Variants in CGNL1 observed in about 807,000 individuals in gnomAD.
CGNL1 encodes cingulin like 1.
In CGNL1, 132 loss-of-function variants were observed where a neutral mutation model predicts 141.2. The observed-to-expected ratio is 0.93, with a 90% CI of 0.81 to 1.08. The LOEUF (loss-of-function observed/expected upper bound fraction) is 1.08. CGNL1 is among the 50% of genes least tolerant of loss of function. The pLI is 0.00. For synonymous variants in CGNL1, 690 were observed against 622.1 expected, an observed-to-expected ratio of 1.11 and a Z score of -1.63; for missense variants, 1,870 against 1,588.6, an observed-to-expected ratio of 1.18 and a Z score of -3.01.
At chr15:57,537,927 G>T (rs2032349740) in intron 14 of CGNL1, among the ~76,000 whole-genome samples, 1 of 152,248 alleles carries the variant, frequency 6.6e-6, no homozygotes, top group Non-Finnish European at 1.5e-5. Flanking sequence ...CTTATATAAA[G>T]AAATACTTTC....
rs766830806 is a variant in CGNL1 at position 57,546,103 on chromosome 15, C to A, written c.3637C>A (p.Arg1213=). The A allele has an allele frequency of 1.2e-6, 2 of 1,613,450 alleles. No individual in the cohort carries two copies. Among genetic ancestry groups the A allele is most frequent in the Non-Finnish European group, 8.5e-7 (1 of 1,179,764 alleles). The change falls in exon 18 of 19, where the codon CGG becomes AGG. Residue 1213 remains arginine (R), a synonymous_variant. Coordinates refer to ENST00000281282, the MANE Select transcript of CGNL1 (RefSeq NM_032866.5). The stretch of plus-strand genomic sequence containing the variant: ...GAGCTTGCGTTTGAAAGCCATGAAG[C>A]GGCAGGTGGAGGAGGCTGAGGAGGA... ...QLSLRLKAMK[R]QVEEAEEEID...
chr15:57,386,220 C>T (rs1175275592), intron 1 of CGNL1, among the ~76,000 whole-genome samples: 9 of 152,210 alleles, frequency 5.9e-5, no homozygotes, highest in Non-Finnish European at 1.2e-4. Context: ...TAAACCCATT[C>T]CCTGCAGAGG....
At chr15:57,449,237 AG>A (rs1190439335) in intron 4 of CGNL1, among the ~76,000 whole-genome samples, 1 of 152,136 alleles carries the variant, frequency 6.6e-6, no homozygotes, top group Non-Finnish European at 1.5e-5. Flanking sequence ...CCAAGAATCC[AG>A]GGAGTATTTA....
chr15:57,462,740 C>T (rs1289968496), intron 8 of CGNL1, among the ~76,000 whole-genome samples: 1 of 152,126 alleles, frequency 6.6e-6, no homozygotes, highest in Non-Finnish European at 1.5e-5. Context: ...AATTATGGCA[C>T]AGTAATTGCA....
intron 1 of CGNL1, among the ~76,000 whole-genome samples, chr15:57,400,546 C>A (rs2062648462): frequency 6.6e-6 from 1 of 152,066 alleles, no homozygotes; most frequent in South Asian, 2.1e-4. Context: ...GCTCAAAGCC[C>A]ATTTGAGCTT....
intron 8 of CGNL1, among the ~76,000 whole-genome samples, chr15:57,505,660 C>G (rs2064092022): frequency 3.3e-5 from 5 of 152,214 alleles, no homozygotes; most frequent in Admixed American, 3.3e-4. Flanking sequence ...TTGGCCCAGG[C>G]TCTTGCCTAC....
chr15:57,455,376 A>G (rs1280412), intron 7 of CGNL1, among the ~76,000 whole-genome samples: 151,633 of 152,350 alleles, frequency 1, 75,463 homozygotes, highest in Middle Eastern at 1. Flanking sequence ...TCCTTGTGTG[A>G]ACATTTTATT....
chr15:57,510,881 G>A (rs1015415671), intron 8 of CGNL1, among the ~76,000 whole-genome samples: 2 of 152,230 alleles, frequency 1.3e-5, no homozygotes, highest in East Asian at 1.9e-4. Flanking sequence ...GAGAGTTGGC[G>A]CTATGCTCTG....
intron 8 of CGNL1, among the ~76,000 whole-genome samples, chr15:57,487,219 T>A (rs1353434014): frequency 6.6e-6 from 1 of 152,148 alleles, no homozygotes; most frequent in Non-Finnish European, 1.5e-5. Flanking sequence ...AGAACAAGAG[T>A]ACTTCTCCTT....
intron 1 of CGNL1, among the ~76,000 whole-genome samples, chr15:57,405,770 TTCTC>T (rs56016030): frequency 4.1e-5 from 5 of 122,988 alleles, no homozygotes; most frequent in African/African-American, 1.7e-4. Context: ...CTTTCTTTCT[TTCTC>T]TTTCTTTCTT....
In CGNL1 at chr15:57,440,461, C is replaced by CT. The variant is rs1555435383; in HGVS notation, c.1688dup (p.Lys564GlnfsTer6). ...AGCTAAGCAGATTCTCTACAATTACCTCAAAGAAGGGTTAGTGATTTTCCC... is the reference window on the plus strand; with the variant it reads ...AGCTAAGCAGATTCTCTACAATTACCTTCAAAGAAGGGTTAGTGATTTTCCC... On this transcript the variant is annotated frameshift_variant, in exon 3 of 19. Coordinates refer to ENST00000281282, the MANE Select transcript of CGNL1 (RefSeq NM_032866.5). LOFTEE classifies it high-confidence loss of function. 2 of 1,586,606 alleles carry CT rather than the reference C, an allele frequency of 1.3e-6. No individual in the cohort carries two copies. The highest frequency in any genetic ancestry group is 1.7e-6 in the Non-Finnish European group (2 of 1,163,972).
intron 1 of CGNL1, among the ~76,000 whole-genome samples, chr15:57,392,710 T>G (rs1185109265): frequency 1.3e-5 from 2 of 152,194 alleles, no homozygotes; most frequent in African/African-American, 4.8e-5. Flanking sequence ...TGTATAAGGT[T>G]TTTACAACTG....
Position 57,524,684 on chromosome 15 carries a change from G to T in CGNL1, c.2972G>T (p.Arg991Ile). 6.2e-7 allele frequency: 1 copy of T among 1,614,220 alleles called. No individual in the cohort carries two copies. The highest frequency in any genetic ancestry group is 8.5e-7 in the Non-Finnish European group (1 of 1,180,040). The change falls in exon 12 of 19, where the codon AGA becomes ATA. Residue 991 changes from arginine (R) to isoleucine (I), a missense_variant. Physicochemically the swap from Arg to Ile is moderately conservative, Grantham distance 97. Transcript: ENST00000281282. Reference protein sequence around the residue: ...KNRRELAEMQRQLKEKTLEAE... With the variant: ...KNRRELAEMQIQLKEKTLEAE... ...CGCAGGGAGCTCGCAGAAATGCAAAGACAGTTGAAGGAGAAAACGCTGGAG... is the reference window on the plus strand; with the variant it reads ...CGCAGGGAGCTCGCAGAAATGCAAATACAGTTGAAGGAGAAAACGCTGGAG...
chr15:57,534,591 A>G (rs867151604), intron 14 of CGNL1, among the ~76,000 whole-genome samples: 1 of 152,206 alleles, frequency 6.6e-6, no homozygotes, highest in South Asian at 2.1e-4. Flanking sequence ...CTTCTGGTCC[A>G]CTTAGATTAA....
chr15:57,524,099 G>A (rs2031451621), intron 11 of CGNL1, among the ~76,000 whole-genome samples: 1 of 152,170 alleles, frequency 6.6e-6, no homozygotes, highest in South Asian at 2.1e-4. Context: ...CTGTATTCTG[G>A]GAGTTGACAC....
intron 1 of CGNL1, among the ~76,000 whole-genome samples, chr15:57,418,751 T>C (rs541239055): frequency 6.6e-6 from 1 of 152,178 alleles, no homozygotes; most frequent in African/African-American, 2.4e-5. Flanking sequence ...CTGTTCTTCC[T>C]GGCAGAAGAA....
At chr15:57,384,153 C>T (rs190960572) in intron 1 of CGNL1, among the ~76,000 whole-genome samples, 1 of 152,196 alleles carries the variant, frequency 6.6e-6, no homozygotes, top group African/African-American at 2.4e-5. Context: ...TTAGCTGATT[C>T]TCCAGGCCTG....
chr15:57,458,917 G>A (rs899162551), intron 7 of CGNL1, among the ~76,000 whole-genome samples: 1 of 152,232 alleles, frequency 6.6e-6, no homozygotes, highest in Non-Finnish European at 1.5e-5. Context: ...GATTCTTGAT[G>A]GGCAAAATCT....
At position 57,497,748 on chromosome 15, in the gene CGNL1, G is replaced by A. The variant is rs554845750; in HGVS notation, c.2404-19032G>A. Among the ~76,000 whole-genome samples, 197 of 152,352 alleles carry A rather than the reference G, an allele frequency of 1.3e-3. 2 individuals are homozygous for A. The highest frequency in any genetic ancestry group is 4.5e-3 in the African/African-American group (187 of 41,584). ...GGTGGCTTCAGCTCAGGCCACAGGA[G>A]CTGAGCATGTATGCTGTGCAGCAGA... On this transcript the variant is annotated intron_variant, in intron 8 of 18. Transcript: ENST00000281282.
Sources: gnomAD v4.1 joint callset for allele counts (sites outside exome capture counted in the v4.1 genomes callset) on GRCh38, gnomAD v4.1.1 for gene constraint, MANE v1.5 for transcripts, NCBI Gene and HGNC (gene_info 2026-07-23, HGNC 2026-07-21) for gene names.